SORCS1: variants seen among roughly 807,000 people sequenced by gnomAD.
SORCS1 encodes the protein VPS10 domain-containing receptor SorCS1.
In SORCS1, 60 loss-of-function variants were observed where a neutral mutation model predicts 146.1. That is an observed-to-expected ratio of 0.41 (90% confidence interval 0.33 to 0.51). SORCS1 has a LOEUF of 0.51. SORCS1 is among the 20% of genes least tolerant of loss of function. The probability of loss-of-function intolerance (pLI) is 0.21; values close to 1 mark genes in which losing one functional copy is unlikely to be tolerated. For synonymous variants in SORCS1, 637 were observed against 584.0 expected (o/e 1.09, Z -1.31); for missense variants, 1,352 against 1,487.6 (o/e 0.91, Z 1.50).
intron 10 of SORCS1, among the ~76,000 whole-genome samples, chr10:106,687,341 C>T (rs1272325531): frequency 6.6e-6 from 1 of 152,154 alleles, no homozygotes; most frequent in Non-Finnish European, 1.5e-5. Flanking sequence ...TAAATTCATA[C>T]TAATCTATAT....
chr10:107,003,714 C>T lies in SORCS1; in HGVS notation c.559-47134G>A, dbSNP rs560200534. ...GGAGTCTCTGGCCTTGTGAAGGAGGCTGCCTGAGATGAAGGCATCTCACAG... is the reference window on the plus strand; with the variant it reads ...GGAGTCTCTGGCCTTGTGAAGGAGGTTGCCTGAGATGAAGGCATCTCACAG... On this transcript the variant is annotated intron_variant, in intron 1 of 25. Coordinates refer to ENST00000263054, the MANE Select transcript of SORCS1 (RefSeq NM_052918.5). Among the ~76,000 whole-genome samples, 4 of 152,142 alleles carry T rather than the reference C, an allele frequency of 2.6e-5. No individual in the cohort carries two copies. In the South Asian group the frequency reaches 8.3e-4, roughly 32 times the overall value.
At chr10:106,878,290 G>A (rs560670072) in intron 2 of SORCS1, among the ~76,000 whole-genome samples, 25 of 151,624 alleles carry the variant, frequency 1.6e-4, no homozygotes, top group African/African-American at 5.3e-4. Flanking sequence ...ACAATAATTC[G>A]GGATATACAT....
chr10:106,822,781 G>GTTTTTTTTTTT (rs1564699805), intron 3 of SORCS1, among the ~76,000 whole-genome samples: 2 of 118,082 alleles, frequency 1.7e-5, no homozygotes, highest in African/African-American at 8.7e-5. Flanking sequence ...ATTCATGTGT[G>GTTTTTTTTTTT]GTTTTTTTTT....
Position 107,164,260 on chromosome 10 carries a change from C to T in SORCS1, c.267G>A (p.Leu89=). The change falls in exon 1 of 26, where the codon CTG becomes CTA. Residue 89 remains leucine (L), a synonymous_variant. Transcript: ENST00000263054. This position sits in a 1 kb window ranked among gnomAD's most constrained non-coding sequence, Gnocchi z 6.8. ...ATGCCCCAGTGCCCCGAGCCCGCTCCAGGGATAGCGCTCGGTCCCCGGGGG... is the reference window on the plus strand; with the variant it reads ...ATGCCCCAGTGCCCCGAGCCCGCTCTAGGGATAGCGCTCGGTCCCCGGGGG... ...SVAPGDRALS[L]ERARGTGASM... The T allele has an allele frequency of 1.2e-6, 2 of 1,604,956 alleles. No homozygotes were observed. The highest frequency in any genetic ancestry group is 1.7e-4 in the Middle Eastern group (1 of 6,054).
intron 2 of SORCS1, among the ~76,000 whole-genome samples, chr10:106,856,024 C>T (rs1264208469): frequency 7.5e-6 from 1 of 134,206 alleles, no homozygotes; most frequent in Non-Finnish European, 1.6e-5. Context: ...GAGGGAGACA[C>T]AACATTTTTT....
chr10:106,599,933 G>A (rs937309919), intron 23 of SORCS1, among the ~76,000 whole-genome samples: 2 of 152,012 alleles, frequency 1.3e-5, no homozygotes, highest in African/African-American at 2.4e-5. Context: ...CACCACATCC[G>A]GCTATTTTGT....
intron 1 of SORCS1, among the ~76,000 whole-genome samples, chr10:107,031,082 T>C (rs1017104758): frequency 2.6e-5 from 4 of 152,174 alleles, no homozygotes; most frequent in Non-Finnish European, 5.9e-5. Context: ...GCTCAGCCTA[T>C]GTGGAGGGTA....
intron 23 of SORCS1, chr10:106,600,731 A>G: frequency 1.0e-6 from 1 of 985,172 alleles, no homozygotes; most frequent in Non-Finnish European, 1.2e-6. Context: ...GCTTAAAGGA[A>G]ATACCAAAGT....
chr10:106,976,325 G>GTTTTTTGGTT (rs1956001775), intron 1 of SORCS1, among the ~76,000 whole-genome samples: 1 of 90,488 alleles, frequency 1.1e-5, no homozygotes, highest in African/African-American at 5.9e-5. Context: ...CATCATCTAG[G>GTTTTTTGGTT]TTTTTTTGTT....
intron 3 of SORCS1, among the ~76,000 whole-genome samples, chr10:106,778,123 T>C (rs913171033): frequency 6.6e-6 from 1 of 152,110 alleles, no homozygotes; most frequent in Non-Finnish European, 1.5e-5. Context: ...GAAAGTGGTG[T>C]CCTGTCACTG....
In SORCS1 at chr10:106,646,478, T is replaced by C. The variant is rs575537606; in HGVS notation, c.2475+5904A>G. ...TGGGAGGCCAAGGTGGGAGGATCAC[T>C]TGAGTTTAGGAGTTCGAGACGAGCC... On this transcript the variant is annotated intron_variant, in intron 18 of 25. Coordinates refer to ENST00000263054, the MANE Select transcript of SORCS1 (RefSeq NM_052918.5). 2.9e-3 allele frequency among the ~76,000 whole-genome samples: 440 copies of C among 151,980 alleles called. 3 individuals are homozygous for C. The highest frequency in any genetic ancestry group is 5.4e-3 in the Non-Finnish European group (366 of 67,978).
chr10:106,621,615 T>G (rs1365446097), intron 19 of SORCS1, among the ~76,000 whole-genome samples: 1 of 151,978 alleles, frequency 6.6e-6, no homozygotes, highest in Admixed American at 6.6e-5. Flanking sequence ...GGGTCTAGAC[T>G]TCTTTGCCTC....
chr10:106,698,602 A>C (rs1479096349), intron 9 of SORCS1, among the ~76,000 whole-genome samples: 1 of 152,172 alleles, frequency 6.6e-6, no homozygotes, highest in African/African-American at 2.4e-5. Flanking sequence ...TTTCTTTTGA[A>C]TCTTGGCCAT....
intron 1 of SORCS1, among the ~76,000 whole-genome samples, chr10:107,030,171 G>A (rs1958586605): frequency 1.3e-5 from 2 of 152,082 alleles, no homozygotes; most frequent in African/African-American, 4.8e-5. Context: ...TGGGTCGAGT[G>A]CCAGTCTCCA....
chr10:106,854,972 C>G (rs1237113063), intron 2 of SORCS1, among the ~76,000 whole-genome samples: 2 of 152,180 alleles, frequency 1.3e-5, no homozygotes, highest in East Asian at 3.9e-4. Context: ...TCTTCTTTTC[C>G]TTACATAGAC....
chr10:106,749,273 C>A (rs969663532), intron 5 of SORCS1, among the ~76,000 whole-genome samples: 1 of 152,162 alleles, frequency 6.6e-6, no homozygotes, highest in Non-Finnish European at 1.5e-5. Flanking sequence ...GCAGATGTCC[C>A]GACAGGTTCT....
chr10:107,106,820 A>G (rs932627491), intron 1 of SORCS1, among the ~76,000 whole-genome samples: 10 of 152,104 alleles, frequency 6.6e-5, no homozygotes, highest in African/African-American at 2.2e-4. Flanking sequence ...ACCTTCGTAA[A>G]TGGGATTAAT....
intron 2 of SORCS1, among the ~76,000 whole-genome samples, chr10:106,933,035 G>A (rs1285677002): frequency 2.0e-5 from 3 of 152,164 alleles, no homozygotes; most frequent in East Asian, 1.9e-4. Flanking sequence ...TGGACAGCAC[G>A]ATCGTGTTCA....
At chr10:106,586,163 T>C (rs1200474214) in intron 24 of SORCS1, among the ~76,000 whole-genome samples, 1 of 152,218 alleles carries the variant, frequency 6.6e-6, no homozygotes, top group East Asian at 1.9e-4. Flanking sequence ...CAATTTTTGG[T>C]ATAGTCTTCT....
Sources: gnomAD v4.1 joint callset for allele counts (sites outside exome capture counted in the v4.1 genomes callset) on GRCh38, gnomAD v4.1.1 for gene constraint, Gnocchi (gnomAD v3.1) non-coding constraint, MANE v1.5 for transcripts, NCBI Gene and HGNC (gene_info 2026-07-23, HGNC 2026-07-21) for gene names.